Variants in CDC5L observed in about 807,000 individuals in gnomAD.
CDC5L encodes the protein cell division cycle 5-like protein.
CDC5L carries 18 observed loss-of-function variants against 104.1 expected under a neutral mutation model. That is an observed-to-expected ratio of 0.17 (90% CI 0.12 to 0.26). The LOEUF is 0.26. Among genes scored for constraint, CDC5L ranks in the 10% least tolerant of loss-of-function variants. CDC5L has a pLI of 1.00. For missense variants in CDC5L, 673 were observed against 956.9 expected, an observed-to-expected ratio of 0.70 and a Z score of 3.91; for synonymous variants, 331 against 322.7, an observed-to-expected ratio of 1.03 and a Z score of -0.28.
intron 8 of CDC5L, among the ~76,000 whole-genome samples, chr6:44,419,155 C>T (rs970780089): frequency 6.6e-6 from 1 of 151,900 alleles, no homozygotes; most frequent in Admixed American, 6.6e-5. Context: ...GTCTTTAATC[C>T]ATCTTGAATT....
intron 9 of CDC5L, 87 bp from the exon 10 acceptor site, chr6:44,422,560 C>A: frequency 1.2e-6 from 1 of 839,254 alleles, no homozygotes; most frequent in Non-Finnish European, 1.8e-6. Flanking sequence ...TCTATATTTC[C>A]TGTGAAATAA....
chr6:44,389,589 T>C (rs1286254707), intron 1 of CDC5L, among the ~76,000 whole-genome samples: 1 of 151,524 alleles, frequency 6.6e-6, no homozygotes, highest in Non-Finnish European at 1.5e-5. Context: ...TATCTAGAGA[T>C]GGGGGGAAAT....
chr6:44,442,845 A>T (rs574128879), intron 14 of CDC5L, among the ~76,000 whole-genome samples: 1 of 152,168 alleles, frequency 6.6e-6, no homozygotes, highest in South Asian at 2.1e-4. Context: ...ATAAATTTTC[A>T]TGTTATTAAT....
rs1459924695 is a variant in CDC5L, at chr6:44,426,785, A to G, written c.1893+61A>G. On this transcript the variant is annotated intron_variant, in intron 13 of 15. Coordinates refer to ENST00000371477, the MANE Select transcript of CDC5L (RefSeq NM_001253.4). ...AGGTAGTTGTTAGGTGCTGTGTATC[A>G]TGGACAAATAATGAACTTATTTTTC... The G allele has an allele frequency of 4.0e-6, 6 of 1,506,822 alleles. No homozygotes were observed. The African/African-American group carries it at 4.2e-5, about 10-fold the overall frequency. 93.3% of individuals were successfully genotyped at this position (1,506,822 alleles called of 1,614,324 possible). A position where few individuals can be genotyped will look rare whatever the true frequency, so the allele number is the denominator to read the frequency against.
At chr6:44,413,572 G>C (rs1421791642) in intron 8 of CDC5L, among the ~76,000 whole-genome samples, 1 of 152,118 alleles carries the variant, frequency 6.6e-6, no homozygotes, top group Non-Finnish European at 1.5e-5. Flanking sequence ...GTTTTCCAAA[G>C]TCGCTGCACC....
At position 44,445,652 on chromosome 6, in the gene CDC5L, C is replaced by T. The variant is rs1793416758; in HGVS notation, c.2092-3C>T. On this transcript the variant is annotated splice_polypyrimidine_tract_variant and splice_region_variant and intron_variant, in intron 14 of 15. Transcript: ENST00000371477. Reference sequence around the variant, plus strand: ...GCTGATGTGATCTTCCCCTGCTCTCCAGATAAACAGGGGTCACATGACGAC... The same window carrying T: ...GCTGATGTGATCTTCCCCTGCTCTCTAGATAAACAGGGGTCACATGACGAC... The T allele has an allele frequency of 6.2e-7, 1 of 1,609,776 alleles. No individual in the cohort carries two copies. The highest frequency in any genetic ancestry group is 1.3e-5 in the African/African-American group (1 of 74,742).
chr6:44,413,029 G>A (rs1311849174), intron 8 of CDC5L, among the ~76,000 whole-genome samples: 1 of 151,968 alleles, frequency 6.6e-6, no homozygotes, highest in African/African-American at 2.4e-5. Flanking sequence ...TGATCCGCCC[G>A]CCTCGGCCTC....
chr6:44,393,995 A>G (rs1413678330), intron 4 of CDC5L, among the ~76,000 whole-genome samples: 1 of 152,138 alleles, frequency 6.6e-6, no homozygotes, highest in African/African-American at 2.4e-5. Context: ...TTCTTATTCT[A>G]AGTATCTTTC....
At chr6:44,415,741 G>A (rs1018149509) in intron 8 of CDC5L, among the ~76,000 whole-genome samples, 26 of 152,152 alleles carry the variant, frequency 1.7e-4, no homozygotes, top group Non-Finnish European at 3.5e-4. Flanking sequence ...CTAGCTACTG[G>A]GGCATGTGAT....
chr6:44,446,950 A>G lies in CDC5L; in HGVS notation c.*239A>G. Reference sequence around the variant, plus strand: ...TTCTTTTAGTAATGTCATATTTGCAAACTTTTTTAGTTTTGGCCTTTAATT... The same window carrying G: ...TTCTTTTAGTAATGTCATATTTGCAGACTTTTTTAGTTTTGGCCTTTAATT... On this transcript the variant is annotated 3_prime_UTR_variant, in exon 16 of 16. Coordinates refer to ENST00000371477, the MANE Select transcript of CDC5L (RefSeq NM_001253.4). 3.4e-6 allele frequency: 1 copy of G among 292,406 alleles called. No individual in the cohort carries two copies. Among genetic ancestry groups the G allele is most frequent in the Non-Finnish European group, 6.3e-6 (1 of 159,738 alleles). The allele number at this position is 292,406 out of a possible 1,614,324, so 18.1% of individuals were successfully genotyped here.
intron 8 of CDC5L, among the ~76,000 whole-genome samples, chr6:44,413,177 A>G (rs1791733488): frequency 6.6e-6 from 1 of 152,196 alleles, no homozygotes. Context: ...TTAGGCACCC[A>G]TTAATCTACT....
chr6:44,389,358 CTTTTT>C (rs1485868628), intron 1 of CDC5L, among the ~76,000 whole-genome samples: 7 of 152,226 alleles, frequency 4.6e-5, no homozygotes, highest in Middle Eastern at 3.4e-3. Flanking sequence ...GCTCTGCAGT[CTTTTT>C]AAAAAGTATC....
chr6:44,423,190 T>G (rs941133761), intron 10 of CDC5L, among the ~76,000 whole-genome samples: 2 of 152,214 alleles, frequency 1.3e-5, no homozygotes, highest in Non-Finnish European at 2.9e-5. Flanking sequence ...AAAAAAAACT[T>G]CTAATGATAC....
chr6:44,401,321 C>T (rs1413598910), intron 5 of CDC5L, among the ~76,000 whole-genome samples: 4 of 109,288 alleles, frequency 3.7e-5, no homozygotes, highest in Non-Finnish European at 4.0e-5. Flanking sequence ...TCCGTCCGCC[C>T]GCAGCGTGGA....
At chr6:44,390,184 T>C in intron 1 of CDC5L, 84 bp from the exon 2 acceptor site, 2 of 785,662 alleles carry the variant, frequency 2.5e-6, no homozygotes, top group Non-Finnish European at 4.4e-6. Flanking sequence ...CTTTCTCCAA[T>C]AGCCCTATCA....
chr6:44,406,308 T>C lies in CDC5L; in HGVS notation c.759-15T>C. On this transcript the variant is annotated splice_polypyrimidine_tract_variant and intron_variant, in intron 6 of 15. Transcript: ENST00000371477. Reference sequence around the variant, plus strand: ...TGTAACTTAAAAATCTCTTTTCTACTTTGATCCATGACAGTGAAAAAGAAG... The same window carrying C: ...TGTAACTTAAAAATCTCTTTTCTACCTTGATCCATGACAGTGAAAAAGAAG... 6.3e-7 allele frequency: 1 copy of C among 1,578,704 alleles called. No homozygotes were observed. Among genetic ancestry groups the C allele is most frequent in the Non-Finnish European group, 8.6e-7 (1 of 1,162,010 alleles).
intron 1 of CDC5L, among the ~76,000 whole-genome samples, chr6:44,389,923 T>C (rs11571908): frequency 2.6e-5 from 4 of 152,312 alleles, no homozygotes; most frequent in South Asian, 4.1e-4. Context: ...TTTTTAGTTA[T>C]CCTTTTTGAA....
chr6:44,412,875 C>T (rs1210634281), intron 8 of CDC5L, among the ~76,000 whole-genome samples: 9 of 148,684 alleles, frequency 6.1e-5, no homozygotes, highest in Admixed American at 1.3e-4. Context: ...CTCCGCCTCC[C>T]GGGTTCACGC....
At chr6:44,420,658 A>C (rs1191666678) in intron 9 of CDC5L, among the ~76,000 whole-genome samples, 1 of 152,144 alleles carries the variant, frequency 6.6e-6, no homozygotes, top group Non-Finnish European at 1.5e-5. Flanking sequence ...GCGCCTGGCC[A>C]AAATCCAAAC....
Sources: gnomAD v4.1 joint callset for allele counts (sites outside exome capture counted in the v4.1 genomes callset) on GRCh38, gnomAD v4.1.1 for gene constraint, MANE v1.5 for transcripts, NCBI Gene and HGNC (gene_info 2026-07-23, HGNC 2026-07-21) for gene names.